Variants in CMTM4 observed in about 807,000 individuals in gnomAD.
The protein encoded by CMTM4 is CKLF like MARVEL transmembrane domain containing 4.
A neutral mutation model predicts 19.0 loss-of-function variants in CMTM4; 8 were observed. The ratio of observed to expected loss-of-function variants is 0.42; its 90% CI spans 0.25 to 0.76. The LOEUF (loss-of-function observed/expected upper bound fraction) is 0.76. CMTM4 is among the 30% of genes least tolerant of loss of function. The probability of loss-of-function intolerance (pLI) is 0.27; values close to 1 mark genes in which losing one functional copy is unlikely to be tolerated. For synonymous variants in CMTM4, 106 were observed against 121.1 expected (o/e 0.88, Z 0.82); for missense variants, 228 against 290.2 (o/e 0.79, Z 1.56).
chr16:66,661,492 GCT>G (rs762746723), intron 1 of CMTM4, among the ~76,000 whole-genome samples: 7 of 152,138 alleles, frequency 4.6e-5, no homozygotes, highest in African/African-American at 7.2e-5. Context: ...TTTCTATAAT[GCT>G]CTGTTTTCAT....
downstream of CMTM4, chr16:66,610,203 G>C: frequency 1.5e-6 from 1 of 675,902 alleles, no homozygotes. The surrounding 1 kb of genome is among the most constrained non-coding windows in gnomAD (Gnocchi z 4.6). Flanking sequence ...CCTCACCCCA[G>C]CCTTTCTAGG....
At position 66,617,458 on chromosome 16, in the gene CMTM4, C is replaced by T. The variant is rs2015548045; in HGVS notation, c.*4600G>A. On this transcript the variant is annotated 3_prime_UTR_variant, in exon 4 of 4. Transcript: ENST00000394106. The stretch of plus-strand genomic sequence containing the variant: ...AAGGGAAAATACAATAGGACCCACT[C>T]CGCTTCAAGCTAAAGAGTGTACAAA... 2 of 1,501,318 alleles carry T rather than the reference C, an allele frequency of 1.3e-6. No individual in the cohort carries two copies. Among genetic ancestry groups the T allele is most frequent in the East Asian group, 4.9e-5 (2 of 40,454 alleles). The allele number at this position is 1,501,318 out of a possible 1,614,324, so 93.0% of individuals were successfully genotyped here.
chr16:66,599,074 G>T, the CMTM4 span, among the ~76,000 whole-genome samples: 1 of 151,926 alleles, frequency 6.6e-6, no homozygotes. Context: ...GAGCCCAGGA[G>T]TTCAAGACCA....
chr16:66,608,535 C>A, the CMTM4 span: 1 of 1,489,594 alleles, frequency 6.7e-7, no homozygotes, highest in Non-Finnish European at 9.2e-7. This position sits in a 1 kb window ranked among gnomAD's most constrained non-coding sequence, Gnocchi z 5.1. Context: ...CAGAGTCGTG[C>A]ACTTGGGCCC....
rs185699347 is a variant in CMTM4 at position 66,673,422 on chromosome 16, G to A, written c.186+22918C>T. ...AGGGTCTCCCTGTGCTGCCCAGGCT[G>A]GTCTCGAACTCCTGGATGCAAGGGA... On this transcript the variant is annotated intron_variant, in intron 1 of 3. Transcript: ENST00000394106. Among the ~76,000 whole-genome samples, 441 of 149,548 alleles carry A rather than the reference G, an allele frequency of 2.9e-3. 2 individuals are homozygous for A. Among genetic ancestry groups the A allele is most frequent in the Non-Finnish European group, 3.1e-3 (208 of 67,266 alleles).
intron 1 of CMTM4, among the ~76,000 whole-genome samples, chr16:66,687,138 C>CTTTT (rs35098269): frequency 7.6e-6 from 1 of 131,304 alleles, no homozygotes; most frequent in African/African-American, 2.9e-5. Flanking sequence ...GTGCAGAATG[C>CTTTT]TTTTTTTTTT....
intron 1 of CMTM4, among the ~76,000 whole-genome samples, chr16:66,638,919 CA>C (rs61482726): frequency 0.12 from 17,148 of 139,426 alleles, 1,265 homozygotes; most frequent in East Asian, 0.29. Flanking sequence ...GTTCTCACCA[CA>C]AAAAAAAAAA....
chr16:66,695,842 T>C (rs2017223142), intron 1 of CMTM4, among the ~76,000 whole-genome samples: 1 of 152,228 alleles, frequency 6.6e-6, no homozygotes, highest in Non-Finnish European at 1.5e-5. Context: ...CCTGCCTCCA[T>C]CCAGCAAATA....
At chr16:66,671,647 G>A (rs900822550) in intron 1 of CMTM4, among the ~76,000 whole-genome samples, 2 of 152,104 alleles carry the variant, frequency 1.3e-5, no homozygotes, top group Admixed American at 1.3e-4. Flanking sequence ...CAAGAGGAGT[G>A]GGCACCTGAC....
intron 2 of CMTM4, among the ~76,000 whole-genome samples, chr16:66,633,025 C>T (rs1366829352): frequency 6.7e-6 from 1 of 150,278 alleles, no homozygotes; most frequent in Non-Finnish European, 1.5e-5. Flanking sequence ...GTGGAGGTTG[C>T]GTTGAGCCAA....
chr16:66,636,897 C>T (rs1013371149), intron 1 of CMTM4, among the ~76,000 whole-genome samples: 8 of 152,204 alleles, frequency 5.3e-5, no homozygotes, highest in African/African-American at 1.9e-4. Flanking sequence ...AACATCTCTA[C>T]AATGTTTCTA....
Position 66,619,078 on chromosome 16 carries a change from G to T in CMTM4, c.*2980C>A. The T allele has an allele frequency of 1.0e-6, 1 of 985,482 alleles. No individual in the cohort carries two copies. Among genetic ancestry groups the T allele is most frequent in the Non-Finnish European group, 1.2e-6 (1 of 829,942 alleles). The allele number at this position is 985,482 out of a possible 1,614,324, so 61.0% of individuals were successfully genotyped here. A position where few individuals can be genotyped will look rare whatever the true frequency, so the allele number is the denominator to read the frequency against. On this transcript the variant is annotated 3_prime_UTR_variant, in exon 4 of 4. Transcript: ENST00000394106. Reference sequence around the variant, plus strand: ...AACTTCTCTGACGAGATTTTAATCTGAAACTGCATCTGTTCTTCCCAGCTT... The same window carrying T: ...AACTTCTCTGACGAGATTTTAATCTTAAACTGCATCTGTTCTTCCCAGCTT...
At chr16:66,630,809 T>C (rs1413721046) in intron 2 of CMTM4, among the ~76,000 whole-genome samples, 1 of 150,004 alleles carries the variant, frequency 6.7e-6, no homozygotes, top group Non-Finnish European at 1.5e-5. Flanking sequence ...GTCTGGAAAG[T>C]GAGGAGCATC....
chr16:66,627,781 G>C (rs886682432), intron 2 of CMTM4, among the ~76,000 whole-genome samples: 3 of 152,156 alleles, frequency 2.0e-5, no homozygotes, highest in African/African-American at 4.8e-5. Flanking sequence ...CAGGTGGGAC[G>C]AGAGACTGAG....
intron 1 of CMTM4, among the ~76,000 whole-genome samples, chr16:66,649,783 G>A (rs2016277146): frequency 6.6e-6 from 1 of 152,142 alleles, no homozygotes; most frequent in South Asian, 2.1e-4. Flanking sequence ...CTCGTCTGCT[G>A]CCCTCCTCTC....
rs1377187292 is a variant in CMTM4, at chr16:66,623,404, C to T, written c.462G>A (p.Val154=). The T allele has an allele frequency of 6.2e-7, 1 of 1,611,384 alleles. No homozygotes were observed. The highest frequency in any genetic ancestry group is 1.3e-5 in the African/African-American group (1 of 74,716). ...GCTTTAACCATTTGAGTTTGCTTAC[C>T]ACGGCAGCAATTTCTGCTCCGGCTC... is the stretch of plus-strand genomic sequence containing the variant. ...NHRAGAEIAA[V]IFGFLATAAY... is the part of the protein sequence containing the mutation. Residue 154 remains valine, a splice_region_variant and synonymous_variant, in exon 3 of 4, where the codon GTG becomes GTA. Transcript: ENST00000394106.
intron 1 of CMTM4, among the ~76,000 whole-genome samples, chr16:66,652,538 A>ACATTG (rs1447489292): frequency 2.6e-5 from 4 of 152,236 alleles, no homozygotes; most frequent in Non-Finnish European, 4.4e-5. Context: ...TGAACTTTGG[A>ACATTG]CATTGCATTC....
intron 1 of CMTM4, among the ~76,000 whole-genome samples, chr16:66,683,145 A>ACG (rs1486210915): frequency 7.8e-5 from 10 of 127,576 alleles, no homozygotes; most frequent in African/African-American, 2.6e-4. Flanking sequence ...ATATATATAT[A>ACG]TGTATATATA....
At chr16:66,655,979 C>A (rs962636490) in intron 1 of CMTM4, among the ~76,000 whole-genome samples, 1 of 152,066 alleles carries the variant, frequency 6.6e-6, no homozygotes, top group Non-Finnish European at 1.5e-5. Flanking sequence ...GTAGCCCACG[C>A]CTATGGTCCC....
Sources: gnomAD v4.1 joint callset for allele counts (sites outside exome capture counted in the v4.1 genomes callset) on GRCh38, gnomAD v4.1.1 for gene constraint, Gnocchi (gnomAD v3.1) non-coding constraint, MANE v1.5 for transcripts, NCBI Gene and HGNC (gene_info 2026-07-23, HGNC 2026-07-21) for gene names.